Variants in ALMS1 observed in about 807,000 individuals in gnomAD.
ALMS1 encodes ALMS1 centrosome and basal body associated protein, also known as centrosome-associated protein ALMS1.
In ALMS1, 271 loss-of-function variants were observed where a neutral mutation model predicts 352.2. That is an observed-to-expected ratio of 0.77 (90% CI 0.70 to 0.85). ALMS1 has a LOEUF of 0.85. Among genes scored for constraint, ALMS1 ranks in the 40% least tolerant of loss-of-function variants. The probability of loss-of-function intolerance (pLI) is 0.00; values close to 1 mark genes in which losing one functional copy is unlikely to be tolerated. For missense variants in ALMS1, 5,445 were observed against 4,870.7 expected (o/e 1.12, Z -3.51); for synonymous variants, 1,865 against 1,761.2 (o/e 1.06, Z -1.48).
chr2:73,476,457 T>A (rs996177050), intron 9 of ALMS1, among the ~76,000 whole-genome samples: 7 of 152,042 alleles, frequency 4.6e-5, no homozygotes, highest in African/African-American at 1.7e-4. Context: ...TACTTTTAAG[T>A]TTTTGAGGAA....
At chr2:73,559,941 A>C (rs1051468219) in intron 15 of ALMS1, among the ~76,000 whole-genome samples, 2 of 152,318 alleles carry the variant, frequency 1.3e-5, no homozygotes, top group East Asian at 3.9e-4. Context: ...AGAAGAAAAC[A>C]TAAGGGGAAC....
At chr2:73,495,958 C>T (rs753161301) in intron 10 of ALMS1, among the ~76,000 whole-genome samples, 19 of 152,096 alleles carry the variant, frequency 1.2e-4, no homozygotes, top group Non-Finnish European at 1.6e-4. Context: ...TCTGCAGTTT[C>T]GAAGTTATCA....
intron 12 of ALMS1, among the ~76,000 whole-genome samples, chr2:73,543,083 G>C (rs1674226304): frequency 6.6e-6 from 1 of 152,180 alleles, no homozygotes; most frequent in African/African-American, 2.4e-5. Context: ...AAAGGACAAA[G>C]CTGGAGGCAT....
Position 73,573,194 on chromosome 2 carries a change from G to A in ALMS1, c.11317G>A (p.Val3773Met). ...TATATTGACCCAAACAGATAGAGAG[G>A]TGGCTCTGCACGAAAGGAGTAGCTC... is the stretch of plus-strand genomic sequence containing the variant. ...SDILTQTDRE[V>M]ALHERSSSVS... Residue 3773 changes from valine to methionine, a missense_variant, in exon 16 of 23, where the codon GTG becomes ATG. Val to Met is a conservative substitution (Grantham distance 21). Transcript: ENST00000613296. The A allele has an allele frequency of 6.2e-7, 1 of 1,612,586 alleles. No homozygotes were observed. The highest frequency in any genetic ancestry group is 1.1e-5 in the South Asian group (1 of 90,970).
chr2:73,386,049 G>C lies in ALMS1; in HGVS notation c.181G>C (p.Gly61Arg), dbSNP rs773431417. ...GRELDSDSHY[G>R]PQHLESIDDE... is the part of the protein sequence containing the mutation. ...GGAGTTGGACTCCGACTCTCACTAC[G>C]GGCCCCAGCATCTGGAAAGTATAGA... The change falls in exon 1 of 23, where the codon GGG becomes CGG. Residue 61 changes from glycine (G) to arginine (R), a missense_variant. Gly to Arg is a moderately radical substitution (Grantham distance 125). Coordinates refer to ENST00000613296, the MANE Select transcript of ALMS1 (RefSeq NM_001378454.1). 1.1e-5 allele frequency: 17 copies of C among 1,580,172 alleles called. No homozygotes were observed. Among genetic ancestry groups the C allele is most frequent in the Non-Finnish European group, 1.5e-5 (17 of 1,163,710 alleles).
chr2:73,414,482 T>G (rs1671143927), intron 2 of ALMS1, among the ~76,000 whole-genome samples: 3 of 89,770 alleles, frequency 3.3e-5, no homozygotes, highest in Admixed American at 1.4e-4. Context: ...CGTTTTTTTT[T>G]TTTTTTGTTT....
chr2:73,437,406 G>C (rs1389267956), intron 7 of ALMS1, among the ~76,000 whole-genome samples: 2 of 152,222 alleles, frequency 1.3e-5, no homozygotes, highest in Non-Finnish European at 2.9e-5. Context: ...GGGATGATTA[G>C]AGCTTGGTAT....
intron 9 of ALMS1, among the ~76,000 whole-genome samples, chr2:73,476,570 G>GT (rs150518132): frequency 0.066 from 9,912 of 150,276 alleles, 688 homozygotes; most frequent in African/African-American, 0.16. Flanking sequence ...GTTATTTTCT[G>GT]TTTTTTTTTG....
At chr2:73,542,136 C>T (rs541050829) in intron 12 of ALMS1, among the ~76,000 whole-genome samples, 18 of 152,210 alleles carry the variant, frequency 1.2e-4, no homozygotes, top group African/African-American at 3.1e-4. Context: ...ACTGGAAAAC[C>T]GAATCCAGCA....
rs78963116 is a variant in ALMS1 at position 73,478,529 on chromosome 2, T to A, written c.7675-11105T>A. On this transcript the variant is annotated intron_variant, in intron 9 of 22. Transcript: ENST00000613296. ...TTCGGATATTTGCTTCCCACTGATA[T>A]GTCAGGAGGTATCAAGGCAATAAGA... Among the ~76,000 whole-genome samples, 3 of 152,238 alleles carry A rather than the reference T, an allele frequency of 2.0e-5. No homozygotes were observed. The East Asian group carries it at 5.8e-4, about 29-fold the overall frequency.
rs11901274 is a variant in ALMS1 at position 73,493,335 on chromosome 2, A to G, written c.9539+1837A>G. On this transcript the variant is annotated intron_variant, in intron 10 of 22. Coordinates refer to ENST00000613296, the MANE Select transcript of ALMS1 (RefSeq NM_001378454.1). ...GTTTATCAAACTCCACAGTCCATAA[A>G]TAAGGCAAACTACACACACACACAC... 3.8e-3 allele frequency among the ~76,000 whole-genome samples: 565 copies of G among 146,870 alleles called. 3 individuals carry two copies. Among genetic ancestry groups the G allele is most frequent in the African/African-American group, 0.014 (515 of 37,906 alleles).
chr2:73,462,854 C>T (rs1184082551), intron 9 of ALMS1: 2 of 151,922 alleles, frequency 1.3e-5, no homozygotes, highest in South Asian at 4.2e-4. Flanking sequence ...TCAAAAGAGA[C>T]AAAGAAGGCC....
intron 6 of ALMS1, 115 bp downstream of exon 6, chr2:73,426,668 A>G (rs192846991): frequency 2.5e-4 from 266 of 1,047,732 alleles, no homozygotes; most frequent in African/African-American, 2.2e-3. Flanking sequence ...TACATGACCA[A>G]TGTCATTTGA....
chr2:73,553,164 A>G (rs868321122), intron 13 of ALMS1, among the ~76,000 whole-genome samples: 3 of 152,242 alleles, frequency 2.0e-5, no homozygotes, highest in Non-Finnish European at 4.4e-5. Context: ...CATACATTCC[A>G]TATAAAGAAA....
intron 9 of ALMS1, among the ~76,000 whole-genome samples, chr2:73,489,374 A>G (rs986958137): frequency 2.6e-5 from 4 of 152,348 alleles, no homozygotes; most frequent in Middle Eastern, 3.4e-3. Flanking sequence ...CTGGTGGACA[A>G]TAGTAATCTT....
intron 15 of ALMS1, among the ~76,000 whole-genome samples, chr2:73,560,976 T>C (rs933484502): frequency 2.0e-5 from 3 of 152,206 alleles, no homozygotes; most frequent in Admixed American, 2.0e-4. Context: ...CACTTGACTT[T>C]TATACACACT....
At chr2:73,511,502 T>C (rs749528723) in intron 10 of ALMS1, among the ~76,000 whole-genome samples, 14 of 152,242 alleles carry the variant, frequency 9.2e-5, no homozygotes, top group Non-Finnish European at 1.6e-4. Context: ...CTGCACCCAC[T>C]GTCTAACCAG....
Position 73,606,219 on chromosome 2 carries a change from A to G in ALMS1, c.12363-2256A>G, listed in dbSNP as rs946396818. ...GGCTTATTGTTATTTCAAGTGAATA[A>G]AAAAATAAAGTTTTGCTTAATTTTT... On this transcript the variant is annotated intron_variant, in intron 21 of 22. Coordinates refer to ENST00000613296, the MANE Select transcript of ALMS1 (RefSeq NM_001378454.1). Among the ~76,000 whole-genome samples, 3 of 152,242 alleles carry G rather than the reference A, an allele frequency of 2.0e-5. 1 individual carries two copies. The highest frequency in any genetic ancestry group is 7.2e-5 in the African/African-American group (3 of 41,464).
In ALMS1 at chr2:73,520,007, G is replaced by A. The variant is rs769100528; in HGVS notation, c.9772G>A (p.Gly3258Ser). The A allele has an allele frequency of 9.3e-6, 15 of 1,614,020 alleles. 2 individuals are homozygous for A. The highest frequency in any genetic ancestry group is 1.6e-4 in the Middle Eastern group (1 of 6,062). Residue 3258 changes from glycine (G) to serine (S), a missense_variant, in exon 11 of 23, where the codon GGC becomes AGC. Physicochemically the swap from Gly to Ser is moderately conservative, Grantham distance 56. Coordinates refer to ENST00000613296, the MANE Select transcript of ALMS1 (RefSeq NM_001378454.1). Reference protein sequence around the residue: ...SSVQQVTFSRGTDGQPLLLPY... With the variant: ...SSVQQVTFSRSTDGQPLLLPY... The stretch of plus-strand genomic sequence containing the variant: ...AGTCCAACAGGTTACTTTTTCTCGC[G>A]GCACAGATGGTAAGAGAATGTGATT...
Sources: allele counts gnomAD v4.1 joint callset (sites outside exome capture counted in the v4.1 genomes callset), GRCh38; gene constraint gnomAD v4.1.1; transcripts MANE v1.5; gene names NCBI Gene and HGNC (gene_info 2026-07-23, HGNC 2026-07-21).